The following ADSL variants were observed in gnomAD, a reference collection of about 807,000 sequenced individuals.
The protein encoded by ADSL is adenylosuccinase.
ADSL carries 44 observed loss-of-function variants against 62.1 expected under a neutral mutation model. The observed-to-expected ratio is 0.71, with a 90% confidence interval of 0.56 to 0.91. The LOEUF (loss-of-function observed/expected upper bound fraction) is 0.91, where lower values mean the gene tolerates loss of function less well. ADSL is among the 40% of genes least tolerant of loss of function. The pLI, the probability that ADSL is intolerant of heterozygous loss-of-function variation, is 0.00. For synonymous variants in ADSL, 198 were observed against 220.5 expected (o/e 0.90, Z 0.90); for missense variants, 531 against 627.4 (o/e 0.85, Z 1.64).
chr22:40,381,996 T>C (rs2047651365), intron 2 of ADSL, among the ~76,000 whole-genome samples: 1 of 152,170 alleles, frequency 6.6e-6, no homozygotes, highest in South Asian at 2.1e-4. Context: ...AGATTTGTCT[T>C]TCTATCAGAT....
At chr22:40,377,923 T>TA (rs1261005477) in intron 2 of ADSL, among the ~76,000 whole-genome samples, 1 of 151,752 alleles carries the variant, frequency 6.6e-6, no homozygotes, top group Non-Finnish European at 1.5e-5. Context: ...AAGATGTGGG[T>TA]ATCTTCAAAT....
At position 40,346,551 on chromosome 22, in the gene ADSL, G is replaced by T. The variant is rs560389412; in HGVS notation, c.-8G>T. Reference sequence around the variant, plus strand: ...TCCAGTCCACCCTGGCGGGGTCGCAGGGTTGGGATGGCGGCTGGAGGCGAT... The same window carrying T: ...TCCAGTCCACCCTGGCGGGGTCGCATGGTTGGGATGGCGGCTGGAGGCGAT... On this transcript the variant is annotated 5_prime_UTR_variant, in exon 1 of 13. It adds an upstream start codon to the 5' untranslated region. Transcript: ENST00000623063. 1.2e-6 allele frequency: 2 copies of T among 1,602,424 alleles called. No individual in the cohort carries two copies. The highest frequency in any genetic ancestry group is 8.5e-7 in the Non-Finnish European group (1 of 1,176,310).
chr22:40,363,207 A>G (rs964701750), intron 10 of ADSL, 136 bp downstream of exon 10: 8 of 798,230 alleles, frequency 1.0e-5, no homozygotes, highest in Non-Finnish European at 1.7e-5. Context: ...CCTTCAGTTC[A>G]TAAGCTCTAG....
At chr22:40,353,223 C>A in intron 3 of ADSL, 106 bp downstream of exon 3, 1 of 886,784 alleles carries the variant, frequency 1.1e-6, no homozygotes, top group Non-Finnish European at 1.9e-6. Context: ...CATAGACTAT[C>A]ATTTTTTCAG....
downstream of ADSL, among the ~76,000 whole-genome samples, chr22:40,373,708 C>T (rs529784852): frequency 9.2e-5 from 14 of 152,192 alleles, no homozygotes; most frequent in African/African-American, 2.6e-4. Flanking sequence ...CTCTGCCTCC[C>T]GAGTTCAAGC....
chr22:40,386,562 CTTTTTTTTTTT>C (rs60319316), intron 2 of ADSL, among the ~76,000 whole-genome samples: 117 of 68,368 alleles, frequency 1.7e-3, no homozygotes, highest in South Asian at 9.5e-3. Context: ...AATTTTCTTA[CTTTTTTTTTTT>C]TTTTTTTTTT....
At chr22:40,346,790 G>C in intron 1 of ADSL, 79 bp downstream of exon 1, 1 of 1,459,206 alleles carries the variant, frequency 6.9e-7, no homozygotes. Flanking sequence ...TTCCGGGCTG[G>C]GCTTAGCCAC....
intron 4 of ADSL, among the ~76,000 whole-genome samples, chr22:40,357,246 G>GC: frequency 7.2e-6 from 1 of 139,576 alleles, no homozygotes; most frequent in African/African-American, 2.7e-5. Flanking sequence ...CTTGATTTGG[G>GC]CTTTTTTTTT....
chr22:40,386,957 T>C (rs143597801), intron 2 of ADSL, among the ~76,000 whole-genome samples: 37 of 152,310 alleles, frequency 2.4e-4, no homozygotes, highest in African/African-American at 8.7e-4. Flanking sequence ...TTAGTTGCTT[T>C]GTGTCTTAAA....
At chr22:40,375,473 G>C (rs1209585372) in intron 2 of ADSL, among the ~76,000 whole-genome samples, 2 of 151,846 alleles carry the variant, frequency 1.3e-5, no homozygotes, top group African/African-American at 4.8e-5. Flanking sequence ...CCAGCTATTC[G>C]GGAGGCTGAG....
intron 3 of ADSL, chr22:40,354,006 T>A (rs921902752): frequency 5.2e-6 from 3 of 572,650 alleles, no homozygotes; most frequent in Admixed American, 3.0e-5. Flanking sequence ...GATTTTGTTC[T>A]GTTTTTCTGC....
chr22:40,375,440 T>C (rs1295441128), intron 2 of ADSL, among the ~76,000 whole-genome samples: 4 of 151,224 alleles, frequency 2.6e-5, no homozygotes, highest in Non-Finnish European at 5.9e-5. Context: ...ATTAGCTGGG[T>C]GTGGTGGCAG....
At chr22:40,364,803 G>T (rs1346276991) in intron 11 of ADSL, 77 bp from the exon 12 acceptor site, 20 of 1,466,916 alleles carry the variant, frequency 1.4e-5, no homozygotes, top group Non-Finnish European at 1.6e-5. Context: ...GCATGGATGG[G>T]AAGTATCTGA....
chr22:40,361,195 C>T, intron 7 of ADSL, 78 bp from the exon 8 acceptor site: 1 of 1,375,140 alleles, frequency 7.3e-7, no homozygotes, highest in Non-Finnish European at 1.0e-6. Flanking sequence ...TCATCTCCTT[C>T]ATCAGCCTAG....
chr22:40,360,160 A>C (rs1337925876), intron 6 of ADSL, among the ~76,000 whole-genome samples: 2 of 152,214 alleles, frequency 1.3e-5, no homozygotes, highest in Non-Finnish European at 2.9e-5. Flanking sequence ...GGTTGAGTAT[A>C]ACTTAGCATA....
At chr22:40,380,391 G>A (rs1040690874) in intron 2 of ADSL, among the ~76,000 whole-genome samples, 11 of 142,192 alleles carry the variant, frequency 7.7e-5, no homozygotes, top group African/African-American at 2.9e-4. Flanking sequence ...TCCTGAGACA[G>A]GGTCTCACTC....
At chr22:40,360,990 C>A in intron 7 of ADSL, 1 of 459,480 alleles carries the variant, frequency 2.2e-6, no homozygotes, top group East Asian at 4.5e-5. Context: ...TGTGAGCCAC[C>A]GCGCCCATCC....
At chr22:40,348,595 G>A (rs373448520) in intron 1 of ADSL, 19 of 398,480 alleles carry the variant, frequency 4.8e-5, no homozygotes, top group African/African-American at 1.6e-4. Context: ...TTTCCAGTGC[G>A]GTCTAGAACT....
chr22:40,348,675 T>A (rs2044236035), intron 1 of ADSL: 1 of 398,418 alleles, frequency 2.5e-6, no homozygotes, highest in Non-Finnish European at 4.4e-6. Flanking sequence ...CCTGACTTTT[T>A]ACTTATAAAT....
Sources: allele counts gnomAD v4.1 joint callset (sites outside exome capture counted in the v4.1 genomes callset), GRCh38; gene constraint gnomAD v4.1.1; transcripts MANE v1.5; gene names NCBI Gene and HGNC (gene_info 2026-07-23, HGNC 2026-07-21).